SYNE1: variants seen among roughly 807,000 people sequenced by gnomAD.
The protein encoded by SYNE1 is spectrin repeat containing nuclear envelope protein 1, also known as nesprin-1.
SYNE1 carries 616 observed loss-of-function variants against 1,111.0 expected under a neutral mutation model. The ratio of observed to expected loss-of-function variants is 0.55; its 90% confidence interval spans 0.52 to 0.59. The LOEUF (loss-of-function observed/expected upper bound fraction) is 0.59. SYNE1 is among the 20% of genes least tolerant of loss of function. The pLI, the probability that SYNE1 is intolerant of heterozygous loss-of-function variation, is 0.00. For synonymous variants in SYNE1, 3,855 were observed against 3,825.8 expected (o/e 1.01, Z -0.28); for missense variants, 10,006 against 10,417.0 (o/e 0.96, Z 1.72).
rs3839419 is a variant in SYNE1, at chr6:152,218,437, TAA to T, written c.22045-36_22045-35del. The T allele has an allele frequency of 0.022, 30,623 of 1,392,284 alleles. 164 individuals carry two copies. Among genetic ancestry groups the T allele is most frequent in the African/African-American group, 0.063 (4,325 of 68,750 alleles). 86.2% of individuals were successfully genotyped at this position (1,392,284 alleles called of 1,614,324 possible). On this transcript the variant is annotated intron_variant, in intron 120 of 145. Transcript: ENST00000367255. ...CCACAAAAGAAATTGGTATTTCAGT[TAA>T]AAAAAAAAAAATTGGTATTTTAATA...
intron 131 of SYNE1, among the ~76,000 whole-genome samples, chr6:152,161,877 G>C (rs1243959505): frequency 5.9e-5 from 9 of 152,196 alleles, no homozygotes; most frequent in Non-Finnish European, 1.3e-4. Flanking sequence ...CCTGGCTAGG[G>C]TGTAAGCCTG....
chr6:152,281,836 C>G lies in SYNE1; in HGVS notation c.18352G>C (p.Asp6118His). 3 of 1,614,166 alleles carry G rather than the reference C, an allele frequency of 1.9e-6. 1 individual carries two copies. In the Middle Eastern group the frequency reaches 4.9e-4, roughly 266 times the overall value. The change falls in exon 97 of 146, where the codon GAC (aspartate) becomes CAC (histidine). Residue 6118 changes from aspartate (D) to histidine (H), a missense_variant. Around this residue, in one of 7 missense-constraint regions of SYNE1, gnomAD observed 99 missense variants for 147.8 expected, o/e 0.67. Transcript: ENST00000367255. The part of the protein sequence containing the change: ...TALSPPKEPM[D>H]MEAQLMDCQN... ...CAGTCCATAAGCTGGGCCTCCATGT[C>G]CATGGGCTCCTTGGGTGGACTCAGC...
intron 129 of SYNE1, among the ~76,000 whole-genome samples, chr6:152,177,351 A>G (rs2066736931): frequency 6.6e-6 from 1 of 152,118 alleles, no homozygotes; most frequent in African/African-American, 2.4e-5. Context: ...GCTATCCCCA[A>G]TGACCCTCTT....
At position 152,331,318 on chromosome 6, in the gene SYNE1, G is replaced by A; in HGVS notation, c.13367C>T (p.Thr4456Ile). 6.2e-7 allele frequency: 1 copy of A among 1,614,168 alleles called. No homozygotes were observed. The highest frequency in any genetic ancestry group is 1.3e-5 in the African/African-American group (1 of 75,036). The part of the protein sequence containing the change: ...KYLNKALSEK[T>I]QFLMAVFQAT... The stretch of plus-strand genomic sequence containing the variant: ...CTGGAACACTGCCATGAGAAACTGG[G>A]TTTTCTCGGACAAGGCTTTGTTTAA... The change falls in exon 78 of 146, where the codon ACC (threonine) becomes ATC (isoleucine). Residue 4456 changes from threonine (T) to isoleucine (I), a missense_variant. Physicochemically the swap from Thr to Ile is moderately conservative, Grantham distance 89. This residue lies in a region of SYNE1 where 4,955 missense variants were observed against 5,017.2 expected (regional missense o/e 0.99). Coordinates refer to ENST00000367255, the MANE Select transcript of SYNE1 (RefSeq NM_182961.4).
intron 145 of SYNE1, chr6:152,127,965 G>A (rs756193747): frequency 3.3e-5 from 5 of 152,088 alleles, no homozygotes; most frequent in Admixed American, 6.5e-5. Context: ...TGTAAAGAAG[G>A]TGCCAGAGAC....
intron 5 of SYNE1, among the ~76,000 whole-genome samples, chr6:152,525,382 A>T (rs1246069626): frequency 6.6e-6 from 1 of 152,136 alleles, no homozygotes; most frequent in Admixed American, 6.6e-5. Context: ...TTATTTCCTG[A>T]ATTCCTTTTT....
intron 101 of SYNE1, among the ~76,000 whole-genome samples, chr6:152,258,137 G>A (rs372776969): frequency 6.6e-6 from 1 of 152,066 alleles, no homozygotes; most frequent in African/African-American, 2.4e-5. Flanking sequence ...AATTCTGAAG[G>A]GATAAAAGTA....
chr6:152,505,395 T>A lies in SYNE1; in HGVS notation c.584A>T (p.Gln195Leu). The A allele has an allele frequency of 6.2e-7, 1 of 1,613,882 alleles. No individual in the cohort carries two copies. Among genetic ancestry groups the A allele is most frequent in the Non-Finnish European group, 8.5e-7 (1 of 1,180,004 alleles). ...AAAATCTTTTACTTCTATTCCAGTCTGCCTTTGTGTTATAAAAACATAAAA... is the reference window on the plus strand; with the variant it reads ...AAAATCTTTTACTTCTATTCCAGTCAGCCTTTGTGTTATAAAAACATAAAA... ...LKWVQYTAGK[Q>L]TGIEVKDFGK... The change falls in exon 9 of 146, where the codon CAG (glutamine) becomes CTG (leucine). Residue 195 changes from glutamine to leucine, a missense_variant and splice_region_variant. This residue lies in a region of SYNE1 where 1,971 missense variants were observed against 2,084.1 expected (regional missense o/e 0.95). Coordinates refer to ENST00000367255, the MANE Select transcript of SYNE1 (RefSeq NM_182961.4).
intron 65 of SYNE1, 45 bp downstream of exon 65, chr6:152,359,270 A>G: frequency 6.2e-7 from 1 of 1,612,500 alleles, no homozygotes. Context: ...ACAGCTCCAA[A>G]CACTCCCCTT....
At chr6:152,241,815 A>G (rs945366040) in intron 107 of SYNE1, among the ~76,000 whole-genome samples, 1 of 152,158 alleles carries the variant, frequency 6.6e-6, no homozygotes, top group Non-Finnish European at 1.5e-5. Context: ...GACGAGGACA[A>G]GGGAGGGCAA....
chr6:152,316,701 A>G (rs957082678), intron 87 of SYNE1, 148 bp downstream of exon 87: 39 of 800,020 alleles, frequency 4.9e-5, no homozygotes, highest in African/African-American at 4.5e-4. Context: ...CTGTCCAACT[A>G]CTGAACAACT....
chr6:152,611,834 T>C (rs2099632152), intron 3 of SYNE1, among the ~76,000 whole-genome samples: 1 of 151,798 alleles, frequency 6.6e-6, no homozygotes, highest in Admixed American at 6.6e-5. Context: ...GAACTCAGGA[T>C]TAAGAAACTC....
chr6:152,289,862 G>C (rs1457077703), intron 95 of SYNE1, among the ~76,000 whole-genome samples: 2 of 151,400 alleles, frequency 1.3e-5, no homozygotes, highest in Admixed American at 1.3e-4. Context: ...TCCTGACCTC[G>C]TGATCCGCCC....
chr6:152,228,235 T>C (rs1366341664), intron 115 of SYNE1, among the ~76,000 whole-genome samples: 1 of 152,184 alleles, frequency 6.6e-6, no homozygotes, highest in East Asian at 1.9e-4. Context: ...CCAAAATAAT[T>C]ATATGGGCTA....
At chr6:152,425,572 T>C (rs756599977) in intron 38 of SYNE1, 25 bp from the exon 39 acceptor site, 1 of 1,613,954 alleles carries the variant, frequency 6.2e-7, no homozygotes, top group South Asian at 1.1e-5. Flanking sequence ...ACATTACGGA[T>C]CTCATCCTAA....
intron 3 of SYNE1, among the ~76,000 whole-genome samples, chr6:152,563,067 C>CAT (rs939593536): frequency 1.2e-4 from 18 of 152,080 alleles, no homozygotes; most frequent in African/African-American, 4.3e-4. Flanking sequence ...CACACACACA[C>CAT]ACACACACAG....
At chr6:152,138,190 T>G (rs770455393) in intron 140 of SYNE1, among the ~76,000 whole-genome samples, 30 of 152,260 alleles carry the variant, frequency 2.0e-4, no homozygotes, top group Admixed American at 7.2e-4. Context: ...GGAGATTCAT[T>G]TCTCTTGTTT....
chr6:152,529,382 C>T (rs1455045696), intron 4 of SYNE1, among the ~76,000 whole-genome samples: 2 of 152,038 alleles, frequency 1.3e-5, no homozygotes, highest in African/African-American at 4.8e-5. Context: ...TGAGCTGGGC[C>T]CATCATATTC....
chr6:152,177,672 A>G (rs572883460), intron 129 of SYNE1, among the ~76,000 whole-genome samples: 1 of 152,306 alleles, frequency 6.6e-6, no homozygotes, highest in South Asian at 2.1e-4. Context: ...TGTTATTTCA[A>G]CACAATGGGA....
Sources: allele counts gnomAD v4.1 joint callset (sites outside exome capture counted in the v4.1 genomes callset), GRCh38; gene constraint gnomAD v4.1.1; regional missense constraint gnomAD v4.1.1; transcripts MANE v1.5; gene names NCBI Gene and HGNC (gene_info 2026-07-23, HGNC 2026-07-21).